SLC24A2: variants seen among roughly 807,000 people sequenced by gnomAD.
SLC24A2 encodes the protein sodium/potassium/calcium exchanger 2.
In SLC24A2, 36 loss-of-function variants were observed where a neutral mutation model predicts 62.0. The ratio of observed to expected loss-of-function variants is 0.58; its 90% CI spans 0.44 to 0.77. The LOEUF (loss-of-function observed/expected upper bound fraction) is 0.77. Among genes scored for constraint, SLC24A2 ranks in the 30% least tolerant of loss-of-function variants. The pLI is 0.00. For synonymous variants in SLC24A2, 358 were observed against 294.0 expected (o/e 1.22, Z -2.23); for missense variants, 846 against 817.9 (o/e 1.03, Z -0.42).
chr9:19,625,172 T>A (rs113268367), intron 2 of SLC24A2, among the ~76,000 whole-genome samples: 1 of 152,186 alleles, frequency 6.6e-6, no homozygotes, highest in Non-Finnish European at 1.5e-5. Flanking sequence ...ATTCTTATGA[T>A]GCATTTTGCT....
the SLC24A2 span, among the ~76,000 whole-genome samples, chr9:20,068,332 A>C: frequency 0.26 from 40,138 of 151,864 alleles, 5,722 homozygotes; most frequent in African/African-American, 0.36. Context: ...AAAGTGCCGG[A>C]ATTACAGGTG....
the SLC24A2 span, among the ~76,000 whole-genome samples, chr9:19,898,176 T>C: frequency 6.6e-6 from 1 of 152,322 alleles, no homozygotes; most frequent in Non-Finnish European, 1.5e-5. Context: ...CTAGCATGTC[T>C]AGCTGCCCCC....
intron 2 of SLC24A2, among the ~76,000 whole-genome samples, chr9:19,651,916 G>A (rs762536944): frequency 6.6e-6 from 1 of 152,024 alleles, no homozygotes; most frequent in Non-Finnish European, 1.5e-5. Context: ...TTCATTCATC[G>A]ACCACACGGG....
intron 2 of SLC24A2, among the ~76,000 whole-genome samples, chr9:19,672,806 G>A (rs761987175): frequency 6.8e-6 from 1 of 146,468 alleles, no homozygotes; most frequent in Non-Finnish European, 1.5e-5. Flanking sequence ...TGATCATTCA[G>A]GAGCAAGTTA....
intron 2 of SLC24A2, among the ~76,000 whole-genome samples, chr9:19,669,122 G>T (rs753682787): frequency 6.6e-6 from 1 of 152,184 alleles, no homozygotes; most frequent in Non-Finnish European, 1.5e-5. Context: ...AAGAAGAAGA[G>T]AATAAGAGGG....
the SLC24A2 span, among the ~76,000 whole-genome samples, chr9:20,114,966 G>A: frequency 6.6e-6 from 1 of 152,122 alleles, no homozygotes; most frequent in African/African-American, 2.4e-5. Flanking sequence ...GTCACACAAA[G>A]TATGAAACTC....
rs778827712 is a variant in SLC24A2 at position 19,786,039 on chromosome 9, A to G, written c.828T>C (p.Tyr276=). 41 of 1,614,102 alleles carry G rather than the reference A, an allele frequency of 2.5e-5. No homozygotes were observed. Among genetic ancestry groups the G allele is most frequent in the Non-Finnish European group, 3.3e-5 (39 of 1,180,018 alleles). Residue 276 remains tyrosine, a synonymous_variant, in exon 2 of 11, where the codon TAT becomes TAC. Coordinates refer to ENST00000341998, the MANE Select transcript of SLC24A2 (RefSeq NM_020344.4). The surrounding 1 kb of genome is among the most constrained non-coding windows in gnomAD (Gnocchi z 5.0). ...SLLLLTAYFC[Y]VVFMKFNVQV... ...GGACGTTGAATTTCATGAAAACCAC[A>G]TAGCAAAAATAAGCTGTTAAGAGAA...
the SLC24A2 span, among the ~76,000 whole-genome samples, chr9:20,018,322 T>C: frequency 6.6e-6 from 1 of 152,226 alleles, no homozygotes; most frequent in Non-Finnish European, 1.5e-5. Context: ...TTTATAAAAA[T>C]GTTATCTATC....
chr9:20,305,065 G>C, the SLC24A2 span, among the ~76,000 whole-genome samples: 2 of 151,002 alleles, frequency 1.3e-5, no homozygotes, highest in Non-Finnish European at 2.9e-5. Flanking sequence ...GTTATTTAAA[G>C]ACATGCATGT....
intron 2 of SLC24A2, among the ~76,000 whole-genome samples, chr9:19,754,404 G>T (rs1012178545): frequency 1.3e-5 from 2 of 152,222 alleles, no homozygotes; most frequent in African/African-American, 4.8e-5. Context: ...CACTTCAACT[G>T]AACCTTTGAG....
At chr9:20,080,896 A>C in the SLC24A2 span, among the ~76,000 whole-genome samples, 12 of 152,324 alleles carry the variant, frequency 7.9e-5, no homozygotes, top group African/African-American at 2.9e-4. Flanking sequence ...ATCACTGGCC[A>C]TCAGAGAAAT....
At chr9:19,700,977 T>C (rs12000690) in intron 2 of SLC24A2, among the ~76,000 whole-genome samples, 11,238 of 152,266 alleles carry the variant, frequency 0.074, 460 homozygotes, top group Middle Eastern at 0.17. Context: ...TATCCAAGAA[T>C]ACTCGCTGTT....
intron 2 of SLC24A2, among the ~76,000 whole-genome samples, chr9:19,700,734 C>T (rs534602832): frequency 2.0e-5 from 3 of 152,314 alleles, no homozygotes; most frequent in African/African-American, 7.2e-5. Context: ...ATACCTGTGA[C>T]ATTCTGTAAA....
chr9:19,543,845 T>A (rs1024792095), intron 8 of SLC24A2, among the ~76,000 whole-genome samples: 5 of 152,150 alleles, frequency 3.3e-5, no homozygotes, highest in Admixed American at 1.3e-4. Context: ...GTGTTTTACT[T>A]CCAATTATGT....
the SLC24A2 span, among the ~76,000 whole-genome samples, chr9:20,112,372 A>G: frequency 3.3e-5 from 5 of 152,226 alleles, no homozygotes; most frequent in Non-Finnish European, 5.9e-5. Context: ...ACATTATTCA[A>G]AGGAAAAATC....
the SLC24A2 span, among the ~76,000 whole-genome samples, chr9:19,840,322 G>A: frequency 2.4e-4 from 36 of 152,194 alleles, no homozygotes; most frequent in Middle Eastern, 6.8e-3. Context: ...CCAGTACCCA[G>A]GCTTGAACAG....
the SLC24A2 span, among the ~76,000 whole-genome samples, chr9:20,018,969 T>A: frequency 7.0e-4 from 106 of 151,356 alleles, no homozygotes; most frequent in African/African-American, 2.5e-3. Flanking sequence ...GAGGCTGAGG[T>A]AGGAGGAGCA....
the SLC24A2 span, among the ~76,000 whole-genome samples, chr9:20,045,544 G>C: frequency 3.9e-5 from 6 of 152,182 alleles, no homozygotes; most frequent in Middle Eastern, 6.8e-3. Context: ...CGACTCTCCT[G>C]CCTCAGCCTC....
chr9:20,272,680 T>C, the SLC24A2 span, among the ~76,000 whole-genome samples: 1 of 152,130 alleles, frequency 6.6e-6, no homozygotes, highest in Non-Finnish European at 1.5e-5. Flanking sequence ...CAACTCAAAA[T>C]AACAAAAAGA....
Sources: gnomAD v4.1 joint callset for allele counts (sites outside exome capture counted in the v4.1 genomes callset) on GRCh38, gnomAD v4.1.1 for gene constraint, Gnocchi (gnomAD v3.1) non-coding constraint, MANE v1.5 for transcripts, NCBI Gene and HGNC (gene_info 2026-07-23, HGNC 2026-07-21) for gene names.